Variants in PRPS1 observed in about 807,000 individuals in gnomAD.
PRPS1 encodes the protein phosphoribosyl pyrophosphate synthetase 1, also known as ribose-phosphate pyrophosphokinase 1.
PRPS1 carries 1 observed loss-of-function variant against 16.9 expected under a neutral mutation model. The observed-to-expected ratio is 0.06, with a 90% CI of 0.02 to 0.28. The LOEUF (loss-of-function observed/expected upper bound fraction) is 0.28, where lower values mean the gene tolerates loss of function less well. PRPS1 is among the 10% of genes least tolerant of loss of function. The pLI, the probability that PRPS1 is intolerant of heterozygous loss-of-function variation, is 1.00. For missense variants in PRPS1, 47 were observed against 254.0 expected, an observed-to-expected ratio of 0.19 and a Z score of 5.54; for synonymous variants, 70 against 90.2, an observed-to-expected ratio of 0.78 and a Z score of 1.27.
At chrX:107,636,336 T>C (rs1925442173) in intron 1 of PRPS1, among the ~76,000 whole-genome samples, 1 of 111,552 alleles carries the variant, frequency 9.0e-6, no homozygotes, top group African/African-American at 3.3e-5. Flanking sequence ...CCAAGGTTGG[T>C]CTTGAAATGG....
chrX:107,640,801 C>A, intron 2 of PRPS1, 101 bp from the exon 3 acceptor site: 1 of 919,098 alleles, frequency 1.1e-6, no homozygotes, highest in Non-Finnish European at 1.6e-6. Context: ...TACCATAGTG[C>A]CTTTAACATA....
intron 1 of PRPS1, among the ~76,000 whole-genome samples, chrX:107,631,589 G>A (rs1925308992): frequency 8.9e-6 from 1 of 111,986 alleles, no homozygotes; most frequent in Non-Finnish European, 1.9e-5. Context: ...TTAAAGGGTA[G>A]ATACCATTTT....
In PRPS1 at chrX:107,636,321, T is replaced by C. The variant is rs145869180; in HGVS notation, c.123-2974T>C. ...TTTTGGTAGAGACGGGGTTTCGCCA[T>C]GTTGCCAAGGTTGGTCTTGAAATGG... is the stretch of plus-strand genomic sequence containing the variant. On this transcript the variant is annotated intron_variant, in intron 1 of 6. Transcript: ENST00000372435. Among the ~76,000 whole-genome samples, 1,100 of 111,299 alleles carry C rather than the reference T, an allele frequency of 9.9e-3. 18 individuals are homozygous for C. Among genetic ancestry groups the C allele is most frequent in the African/African-American group, 0.034 (1,044 of 30,664 alleles).
intron 1 of PRPS1, among the ~76,000 whole-genome samples, chrX:107,638,597 T>C (rs1321960882): frequency 1.8e-5 from 2 of 111,444 alleles, no homozygotes; most frequent in African/African-American, 6.5e-5. Flanking sequence ...ATTTATTTAT[T>C]TTTTGTAGAG....
At chrX:107,648,181 T>C (rs1054837173) in intron 6 of PRPS1, among the ~76,000 whole-genome samples, 1 of 111,857 alleles carries the variant, frequency 8.9e-6, no homozygotes, top group South Asian at 3.7e-4. Context: ...CTACCAACTT[T>C]AGTGTTTCTC....
At chrX:107,629,319 T>C (rs1196960367) in intron 1 of PRPS1, among the ~76,000 whole-genome samples, 2 of 111,947 alleles carry the variant, frequency 1.8e-5, no homozygotes, top group African/African-American at 6.5e-5. Context: ...TCAGCAAGCG[T>C]TGGCTTTTCT....
intron 1 of PRPS1, among the ~76,000 whole-genome samples, chrX:107,632,748 A>G (rs1925335254): frequency 8.9e-6 from 1 of 112,722 alleles, no homozygotes. Context: ...GATCACTGCC[A>G]TAACTTAGAA....
At chrX:107,630,851 CTAATCTG>C (rs1255525266) in intron 1 of PRPS1, among the ~76,000 whole-genome samples, 3 of 111,281 alleles carry the variant, frequency 2.7e-5, no homozygotes, top group Non-Finnish European at 5.6e-5. Context: ...CCCCAATAAT[CTAATCTG>C]TAAAGTAGTA....
chrX:107,640,522 A>G (rs1232430725), intron 2 of PRPS1, among the ~76,000 whole-genome samples: 1 of 112,296 alleles, frequency 8.9e-6, no homozygotes, highest in Non-Finnish European at 1.9e-5. Flanking sequence ...AAACCTTGAC[A>G]TGTTAGGTGT....
chrX:107,639,056 C>G (rs1925513039), intron 1 of PRPS1, among the ~76,000 whole-genome samples: 1 of 112,307 alleles, frequency 8.9e-6, no homozygotes, highest in Non-Finnish European at 1.9e-5. Context: ...TTTAAATCAT[C>G]TCTAGATTAC....
At chrX:107,638,109 T>G (rs765575661) in intron 1 of PRPS1, among the ~76,000 whole-genome samples, 1 of 108,615 alleles carries the variant, frequency 9.2e-6, no homozygotes, top group Non-Finnish European at 1.9e-5. Flanking sequence ...CAGCTAATTT[T>G]TTTTTTTTAT....
chrX:107,642,329 G>A (rs370001788), intron 3 of PRPS1, 37 bp from the exon 4 acceptor site: 2 of 1,208,757 alleles, frequency 1.7e-6, no homozygotes, highest in African/African-American at 3.5e-5. Context: ...GGAAGAGAAG[G>A]AAAGTGAAGC....
In PRPS1 at chrX:107,635,123, GAGCCACCGTGCCCAGCGATA is replaced by G. The variant is rs201578496; in HGVS notation, c.123-4170_123-4151del. On this transcript the variant is annotated intron_variant, in intron 1 of 6. Coordinates refer to ENST00000372435, the MANE Select transcript of PRPS1 (RefSeq NM_002764.4). The stretch of plus-strand genomic sequence containing the variant: ...CCCAAAGTGCTGGGATTACAGGCGT[GAGCCACCGTGCCCAGCGATA>G]ATGATAAAGTTTTAAAAACATAGCA... 9.8e-3 allele frequency among the ~76,000 whole-genome samples: 1,102 copies of G among 112,472 alleles called. 15 individuals carry two copies. Among genetic ancestry groups the G allele is most frequent in the East Asian group, 0.065 (232 of 3,579 alleles).
At chrX:107,639,876 CATAGATAG>C (rs749112922) in intron 2 of PRPS1, among the ~76,000 whole-genome samples, 10 of 111,811 alleles carry the variant, frequency 8.9e-5, no homozygotes, top group African/African-American at 2.9e-4. Flanking sequence ...CTGATAGATA[CATAGATAG>C]ATAGATAGAT....
At chrX:107,643,181 AAAT>A (rs1375695916) in intron 4 of PRPS1, among the ~76,000 whole-genome samples, 2 of 112,541 alleles carry the variant, frequency 1.8e-5, no homozygotes, top group African/African-American at 6.4e-5. Flanking sequence ...AAAGCCATTC[AAAT>A]CTTCAATGAC....
chrX:107,639,518 A>G, intron 2 of PRPS1, 40 bp downstream of exon 2: 1 of 1,167,367 alleles, frequency 8.6e-7, no homozygotes. Flanking sequence ...AGGAAGCAGG[A>G]GCACTTGCCC....
At chrX:107,639,666 G>T (rs966136033) in intron 2 of PRPS1, among the ~76,000 whole-genome samples, 188 bp downstream of exon 2, 2 of 112,111 alleles carry the variant, frequency 1.8e-5, no homozygotes, top group Non-Finnish European at 3.8e-5. Flanking sequence ...TTTGTAGTCT[G>T]TATTTTATTA....
Position 107,645,355 on chromosome X carries a change from G to A in PRPS1, c.704+5G>A, listed in dbSNP as rs1489297330. On this transcript the variant is annotated splice_donor_5th_base_variant and intron_variant, in intron 5 of 6. Coordinates refer to ENST00000372435, the MANE Select transcript of PRPS1 (RefSeq NM_002764.4). ...AATCTGCCATGCAGCTGACAAGTAAGTGTGGATTGATGGGGCTGGTAGTTA... is the reference window on the plus strand; with the variant it reads ...AATCTGCCATGCAGCTGACAAGTAAATGTGGATTGATGGGGCTGGTAGTTA... The A allele has an allele frequency of 1.7e-6, 2 of 1,211,721 alleles. No homozygotes were observed. Among genetic ancestry groups the A allele is most frequent in the Non-Finnish European group, 2.2e-6 (2 of 895,308 alleles).
At chrX:107,642,121 G>A (rs1488885576) in intron 3 of PRPS1, among the ~76,000 whole-genome samples, 2 of 112,002 alleles carry the variant, frequency 1.8e-5, no homozygotes, top group Admixed American at 1.9e-4. Flanking sequence ...TCTTTACAAG[G>A]GCTCACTTAT....
Sources: allele counts gnomAD v4.1 joint callset (sites outside exome capture counted in the v4.1 genomes callset), GRCh38; gene constraint gnomAD v4.1.1; transcripts MANE v1.5; gene names NCBI Gene and HGNC (gene_info 2026-07-23, HGNC 2026-07-21).